MLXIPL: variants seen among roughly 807,000 people sequenced by gnomAD.
The protein encoded by MLXIPL is MLX interacting protein like, also known as carbohydrate-responsive element-binding protein.
Under a neutral mutation model 81.5 loss-of-function variants are expected in MLXIPL, and 49 were observed. The observed-to-expected ratio is 0.60, with a 90% CI of 0.48 to 0.76. The LOEUF (loss-of-function observed/expected upper bound fraction) is 0.76. Among genes scored for constraint, MLXIPL ranks in the 30% least tolerant of loss-of-function variants. The pLI, the probability that MLXIPL is intolerant of heterozygous loss-of-function variation, is 0.00. For missense variants in MLXIPL, 1,053 were observed against 1,167.0 expected (o/e 0.90, Z 1.42); for synonymous variants, 466 against 485.5 (o/e 0.96, Z 0.53).
chr7:73,601,231 C>T (rs1418847399), intron 7 of MLXIPL, among the ~76,000 whole-genome samples: 1 of 143,300 alleles, frequency 7.0e-6, no homozygotes, highest in Admixed American at 6.9e-5. Flanking sequence ...GTCTTCACCC[C>T]CAACCCCATC....
At chr7:73,636,077 G>C in the MLXIPL span, among the ~76,000 whole-genome samples, 2 of 152,136 alleles carry the variant, frequency 1.3e-5, no homozygotes, top group African/African-American at 4.8e-5. Context: ...GGTTAAGGAA[G>C]GCTCTCTAGA....
chr7:73,628,475 T>C (rs1796787075), upstream of MLXIPL, among the ~76,000 whole-genome samples: 2 of 152,266 alleles, frequency 1.3e-5, no homozygotes, highest in South Asian at 4.1e-4. Context: ...GTCCAATAAA[T>C]GCAAGGACGT....
chr7:73,599,133 T>G (rs1276108906), intron 8 of MLXIPL, among the ~76,000 whole-genome samples: 3 of 151,730 alleles, frequency 2.0e-5, no homozygotes. Context: ...ATTCACTGTT[T>G]CCTAAACATC....
intron 2 of MLXIPL, among the ~76,000 whole-genome samples, chr7:73,611,854 T>C (rs1795708412): frequency 6.6e-6 from 1 of 151,370 alleles, no homozygotes; most frequent in South Asian, 2.1e-4. Flanking sequence ...TTCTCCAAAA[T>C]GGACACTGAT....
the MLXIPL span, among the ~76,000 whole-genome samples, chr7:73,640,091 G>GTAAAA: frequency 1.4e-5 from 2 of 144,634 alleles, no homozygotes; most frequent in African/African-American, 5.1e-5. Context: ...ATAAAGTAAA[G>GTAAAA]TAAAATAAAA....
chr7:73,636,136 A>T, the MLXIPL span, among the ~76,000 whole-genome samples: 21 of 152,292 alleles, frequency 1.4e-4, no homozygotes, highest in East Asian at 3.9e-3. Flanking sequence ...GAGGCCGGGC[A>T]CCGTGGCTCA....
intron 2 of MLXIPL, chr7:73,611,075 C>G (rs1041181120): frequency 6.6e-6 from 1 of 152,188 alleles, no homozygotes; most frequent in East Asian, 1.9e-4. Flanking sequence ...CTGCTCGCCT[C>G]GGCCTCCTAA....
intron 2 of MLXIPL, 36 bp downstream of exon 2, chr7:73,616,035 C>A: frequency 6.4e-7 from 1 of 1,558,268 alleles, no homozygotes; most frequent in African/African-American, 1.4e-5. Flanking sequence ...AGGGGGCAGT[C>A]CCTCCCGGCT....
the MLXIPL span, among the ~76,000 whole-genome samples, chr7:73,636,383 C>T: frequency 6.7e-6 from 1 of 150,156 alleles, no homozygotes; most frequent in Non-Finnish European, 1.5e-5. Flanking sequence ...GCACTCCAGC[C>T]TGAGCGACAG....
At chr7:73,632,484 T>C in the MLXIPL span, among the ~76,000 whole-genome samples, 1 of 152,308 alleles carries the variant, frequency 6.6e-6, no homozygotes, top group South Asian at 2.1e-4. Flanking sequence ...ACATCCTGAT[T>C]CGCCCTTACA....
Position 73,607,853 on chromosome 7 carries a change from C to CTTTTTTTTTTTTTTT in MLXIPL, c.401-196_401-182dup, listed in dbSNP as rs1166806013. On this transcript the variant is annotated intron_variant, in intron 2 of 16. Transcript: ENST00000313375. ...TGATGCTCTAGCCTCCTAGATCTTC[C>CTTTTTTTTTTTTTTT]TTTTTTTTTTTTTTTTTTTGGAGAT... Among the ~76,000 whole-genome samples the CTTTTTTTTTTTTTTT allele has an allele frequency of 1.1e-4, 12 of 110,346 alleles. 2 individuals are homozygous for CTTTTTTTTTTTTTTT. Among genetic ancestry groups the CTTTTTTTTTTTTTTT allele is most frequent in the African/African-American group, 3.8e-4 (10 of 26,632 alleles). The allele number at this position is 110,346 out of a possible 152,430, so 72.4% of individuals were successfully genotyped here.
intron 7 of MLXIPL, among the ~76,000 whole-genome samples, chr7:73,601,802 G>A (rs1794845200): frequency 6.6e-6 from 1 of 152,098 alleles, no homozygotes; most frequent in Non-Finnish European, 1.5e-5. Flanking sequence ...AAAGTGCTGG[G>A]ATGACAGGAG....
intron 1 of MLXIPL, among the ~76,000 whole-genome samples, chr7:73,619,460 CA>C (rs1463451518): frequency 0.068 from 5,958 of 87,502 alleles, 151 homozygotes; most frequent in Non-Finnish European, 0.096. Context: ...GACTCCATCT[CA>C]AAAAAAAAAA....
intron 7 of MLXIPL, among the ~76,000 whole-genome samples, chr7:73,601,924 G>A (rs899124388): frequency 6.6e-5 from 10 of 152,068 alleles, no homozygotes; most frequent in African/African-American, 2.4e-4. Context: ...GGGTCTGCAC[G>A]CAGCCTCTGC....
At chr7:73,607,541 G>A in intron 3 of MLXIPL, 49 bp downstream of exon 3, 1 of 1,596,618 alleles carries the variant, frequency 6.3e-7, no homozygotes, top group African/African-American at 1.3e-5. Context: ...GGCTGGTCTT[G>A]GTGGGTGGGC....
chr7:73,639,785 G>A, the MLXIPL span, among the ~76,000 whole-genome samples: 11 of 150,802 alleles, frequency 7.3e-5, no homozygotes, highest in Non-Finnish European at 5.9e-5. Flanking sequence ...TGGGCCGGGC[G>A]CAGTGGCTCA....
At chr7:73,603,106 C>G (rs1795012570) in intron 7 of MLXIPL, among the ~76,000 whole-genome samples, 5 of 152,306 alleles carry the variant, frequency 3.3e-5, no homozygotes, top group African/African-American at 1.2e-4. Context: ...CTCACTAAGC[C>G]TCCTGCCTCC....
chr7:73,602,794 A>G (rs1794987732), intron 7 of MLXIPL, among the ~76,000 whole-genome samples: 1 of 152,200 alleles, frequency 6.6e-6, no homozygotes, highest in Non-Finnish European at 1.5e-5. Context: ...AATCAGCCTC[A>G]TGCTGTGCCT....
the MLXIPL span, among the ~76,000 whole-genome samples, chr7:73,644,767 G>A: frequency 2.0e-5 from 3 of 152,184 alleles, no homozygotes; most frequent in Non-Finnish European, 4.4e-5. Flanking sequence ...GGGACTCAGG[G>A]ATGGAAAACG....
Sources: allele counts gnomAD v4.1 joint callset (sites outside exome capture counted in the v4.1 genomes callset), GRCh38; gene constraint gnomAD v4.1.1; transcripts MANE v1.5; gene names NCBI Gene and HGNC (gene_info 2026-07-23, HGNC 2026-07-21).